The following SLC44A4 variants were observed in gnomAD, a reference collection of about 807,000 sequenced individuals.
SLC44A4 encodes the protein solute carrier family 44 member 4, also known as choline transporter-like protein 4.
A neutral mutation model predicts 97.0 loss-of-function variants in SLC44A4; 74 were observed. The observed-to-expected ratio is 0.76, with a 90% CI of 0.63 to 0.93. SLC44A4 has a LOEUF of 0.93. SLC44A4 is among the 40% of genes least tolerant of loss of function. SLC44A4 has a pLI of 0.00. For synonymous variants in SLC44A4, 325 were observed against 363.8 expected (o/e 0.89, Z 1.21); for missense variants, 799 against 902.9 (o/e 0.88, Z 1.48).
In SLC44A4 at chr6:31,877,058, G is replaced by T; in HGVS notation, c.65C>A (p.Ser22Tyr). The T allele has an allele frequency of 6.2e-7, 1 of 1,610,352 alleles. No individual in the cohort carries two copies. Among genetic ancestry groups the T allele is most frequent in the Non-Finnish European group, 8.5e-7 (1 of 1,179,176 alleles). Residue 22 changes from serine to tyrosine, a missense_variant, in exon 2 of 21, where the codon TCC becomes TAC. Physicochemically the swap from Ser to Tyr is moderately radical, Grantham distance 144. This residue lies in a region of SLC44A4 where 409 missense variants were observed against 434.1 expected (regional missense o/e 0.94). Coordinates refer to ENST00000229729, the MANE Select transcript of SLC44A4 (RefSeq NM_025257.3). The surrounding 1 kb of genome is among the most constrained non-coding windows in gnomAD (Gnocchi z 6.5). Reference protein sequence around the residue: ...AYGKPVKYDPSFRGPIKNRSC... With the variant: ...AYGKPVKYDPYFRGPIKNRSC... ...CCTGTTCTTGATGGGGCCTCGAAAG[G>T]AGGGGTCGTATTTGACTGGCTTCCC...
rs149893634 is a variant in SLC44A4 at position 31,871,485 on chromosome 6, C to T, written c.606G>A (p.Gln202=). 14 of 1,613,854 alleles carry T rather than the reference C, an allele frequency of 8.7e-6. No homozygotes were observed. Among genetic ancestry groups the T allele is most frequent in the Non-Finnish European group, 1.2e-5 (14 of 1,179,920 alleles). ...LPGITNDTTI[Q]QGISGLIDSL... is the part of the protein sequence containing the mutation. Reference sequence around the variant, plus strand: ...AGGGAGGTGCCTACCTGATCCCCTGCTGTATGGTGGTGTCATTGGTGATCC... The same window carrying T: ...AGGGAGGTGCCTACCTGATCCCCTGTTGTATGGTGGTGTCATTGGTGATCC... The change falls in exon 8 of 21, where the codon CAG becomes CAA. Residue 202 remains glutamine (Q), a synonymous_variant. Transcript: ENST00000229729.
Position 31,878,938 on chromosome 6 carries a change from C to T in SLC44A4, c.40+3G>A, listed in dbSNP as rs1019352556. The T allele has an allele frequency of 3.0e-5, 48 of 1,613,500 alleles. No individual in the cohort carries two copies. Among genetic ancestry groups the T allele is most frequent in the Admixed American group, 6.7e-5 (4 of 59,872 alleles). On this transcript the variant is annotated splice_donor_region_variant and intron_variant, in intron 1 of 20. Coordinates refer to ENST00000229729, the MANE Select transcript of SLC44A4 (RefSeq NM_025257.3). The surrounding 1 kb of genome is among the most constrained non-coding windows in gnomAD (Gnocchi z 4.0). Reference sequence around the variant, plus strand: ...AGGGTCCCGGGCCTCGCCCCAGTCTCACCGTAGGCCTCGTCATCCTCGTCC... The same window carrying T: ...AGGGTCCCGGGCCTCGCCCCAGTCTTACCGTAGGCCTCGTCATCCTCGTCC...
chr6:31,870,446 G>T (rs979929567), intron 11 of SLC44A4, among the ~76,000 whole-genome samples, 157 bp downstream of exon 11: 12 of 152,150 alleles, frequency 7.9e-5, no homozygotes, highest in African/African-American at 2.9e-4. Flanking sequence ...CCATTTTACA[G>T]ATGGGGAAGC....
chr6:31,863,650 C>T lies in SLC44A4; in HGVS notation c.2110G>A (p.Asp704Asn), dbSNP rs1762674335. The T allele has an allele frequency of 4.3e-6, 7 of 1,611,898 alleles. No individual in the cohort carries two copies. The highest frequency in any genetic ancestry group is 5.9e-6 in the Non-Finnish European group (7 of 1,179,676). The stretch of plus-strand genomic sequence containing the variant: ...TGTCACTTCTTCCTCTTCTTGTTGT[C>T]CGGGGGCGCCTCGTTCTTCTTGCCC... ...ILGKKNEAPP[D>N]NKKRKK Residue 704 changes from aspartate to asparagine, a missense_variant, in exon 21 of 21, where the codon GAC becomes AAC. Around this residue, in one of 3 missense-constraint regions of SLC44A4, gnomAD observed 379 missense variants for 438.3 expected, o/e 0.86. Coordinates refer to ENST00000229729, the MANE Select transcript of SLC44A4 (RefSeq NM_025257.3).
At position 31,865,235 on chromosome 6, in the gene SLC44A4, G is replaced by A; in HGVS notation, c.1760+80C>T. 1.9e-6 allele frequency: 3 copies of A among 1,567,190 alleles called. No individual in the cohort carries two copies. The South Asian group carries it at 3.3e-5, about 17-fold the overall frequency. On this transcript the variant is annotated intron_variant, in intron 17 of 20. Coordinates refer to ENST00000229729, the MANE Select transcript of SLC44A4 (RefSeq NM_025257.3). This position sits in a 1 kb window ranked among gnomAD's most constrained non-coding sequence, Gnocchi z 5.2. ...ACTAAACTAAGTCTAGGGCCCGACT[G>A]AGCACAGCACACCCACGAAGCCAGC...
At chr6:31,864,600 G>T in intron 20 of SLC44A4, 52 bp downstream of exon 20, 83 of 1,388,784 alleles carry the variant, frequency 6.0e-5, no homozygotes, top group Non-Finnish European at 8.0e-5. Flanking sequence ...AAAAATGCTT[G>T]AACGGCTCAG....
chr6:31,866,189 C>T (rs1393651194), intron 13 of SLC44A4, 63 bp from the exon 14 acceptor site: 5 of 1,570,736 alleles, frequency 3.2e-6, no homozygotes, highest in Admixed American at 1.8e-5. Flanking sequence ...GGAGCCTGGG[C>T]GTCCCATTCC....
rs1048355109 is a variant in SLC44A4 at position 31,878,029 on chromosome 6, C to T, written c.40+912G>A. 1.3e-5 allele frequency: 2 copies of T among 152,158 alleles called. No homozygotes were observed. Among genetic ancestry groups the T allele is most frequent in the African/African-American group, 4.8e-5 (2 of 41,380 alleles). The allele number at this position is 152,158 out of a possible 1,614,324, so 9.4% of individuals were successfully genotyped here. On this transcript the variant is annotated intron_variant, in intron 1 of 20. Transcript: ENST00000229729. This position sits in a 1 kb window ranked among gnomAD's most constrained non-coding sequence, Gnocchi z 4.0. ...CAAGCCTCTCCTCGAGAAGGTCCCT[C>T]ATAGGGGTTCCTTCCCCTTCAGACC...
rs753577272 is a variant in SLC44A4, at chr6:31,864,992, C to T, written c.1831+18G>A. ...CCAGCACCCCTACCCTCTGTCCCCA[C>T]AGCTTCTGGTCCCTTACCCACGCCT... On this transcript the variant is annotated intron_variant, in intron 18 of 20. Coordinates refer to ENST00000229729, the MANE Select transcript of SLC44A4 (RefSeq NM_025257.3). 9 of 1,613,954 alleles carry T rather than the reference C, an allele frequency of 5.6e-6. No homozygotes were observed. The African/African-American group carries it at 1.2e-4, about 22-fold the overall frequency.
chr6:31,871,097 T>C, intron 9 of SLC44A4, 50 bp from the exon 10 acceptor site: 2 of 1,527,432 alleles, frequency 1.3e-6, no homozygotes, highest in Non-Finnish European at 8.9e-7. Context: ...CCTCAAATCT[T>C]TCCCCTTACA....
chr6:31,877,146 C>A lies in SLC44A4; in HGVS notation c.41-64G>T. On this transcript the variant is annotated intron_variant, in intron 1 of 20. Coordinates refer to ENST00000229729, the MANE Select transcript of SLC44A4 (RefSeq NM_025257.3). This position sits in a 1 kb window ranked among gnomAD's most constrained non-coding sequence, Gnocchi z 6.5. ...CTCTGCATATCTTGTCCTGCTGAGTCCTCCTAGCCCCAGGATCCTACCCAG... is the reference window on the plus strand; with the variant it reads ...CTCTGCATATCTTGTCCTGCTGAGTACTCCTAGCCCCAGGATCCTACCCAG... 6.6e-7 allele frequency: 1 copy of A among 1,521,536 alleles called. No individual in the cohort carries two copies. The highest frequency in any genetic ancestry group is 9.0e-7 in the Non-Finnish European group (1 of 1,112,420). The allele number at this position is 1,521,536 out of a possible 1,614,324, so 94.3% of individuals were successfully genotyped here.
rs1420629198 is a variant in SLC44A4, at chr6:31,871,481, C to T, written c.610G>A (p.Gly204Arg). ...GITNDTTIQQ[G>R]ISGLIDSLNA... Reference sequence around the variant, plus strand: ...GGGGAGGGAGGTGCCTACCTGATCCCCTGCTGTATGGTGGTGTCATTGGTG... The same window carrying T: ...GGGGAGGGAGGTGCCTACCTGATCCTCTGCTGTATGGTGGTGTCATTGGTG... The change falls in exon 8 of 21, where the codon GGG becomes AGG. Residue 204 changes from glycine (G) to arginine (R), a missense_variant. Coordinates refer to ENST00000229729, the MANE Select transcript of SLC44A4 (RefSeq NM_025257.3). The T allele has an allele frequency of 1.9e-6, 3 of 1,613,834 alleles. No individual in the cohort carries two copies. In the African/African-American group the frequency reaches 4.0e-5, roughly 22 times the overall value.
Position 31,878,847 on chromosome 6 carries a change from T to C in SLC44A4, c.40+94A>G. The C allele has an allele frequency of 7.2e-7, 1 of 1,395,572 alleles. No individual in the cohort carries two copies. The highest frequency in any genetic ancestry group is 1.0e-6 in the Non-Finnish European group (1 of 982,402). 86.4% of individuals were successfully genotyped at this position (1,395,572 alleles called of 1,614,324 possible). A position where few individuals can be genotyped will look rare whatever the true frequency, so the allele number is the denominator to read the frequency against. On this transcript the variant is annotated intron_variant, in intron 1 of 20. Transcript: ENST00000229729. The surrounding 1 kb of genome is among the most constrained non-coding windows in gnomAD (Gnocchi z 4.0). ...CCCCTCAGGGACACAGTACTCTCCT[T>C]AGTTCCTCTCCCTGGAGCCAGCCCC...
rs747514753 is a variant in SLC44A4, at chr6:31,864,916, G to T, written c.1832-6C>A. 13 of 1,613,810 alleles carry T rather than the reference G, an allele frequency of 8.1e-6. No individual in the cohort carries two copies. The South Asian group carries it at 9.9e-5, about 12-fold the overall frequency. The stretch of plus-strand genomic sequence containing the variant: ...AAAAAAGAAGGACAGGACCCCTGTG[G>T]AATAATTCTGGGGGTTAGTGCTGCA... On this transcript the variant is annotated splice_polypyrimidine_tract_variant and splice_region_variant and intron_variant, in intron 18 of 20. Transcript: ENST00000229729.
At chr6:31,875,197 T>A (rs1193769285) in intron 4 of SLC44A4, among the ~76,000 whole-genome samples, 169 bp from the exon 5 acceptor site, 1 of 152,142 alleles carries the variant, frequency 6.6e-6, no homozygotes, top group Non-Finnish European at 1.5e-5. Flanking sequence ...GGGAGATGCC[T>A]AGAAGATCTC....
chr6:31,863,479 G>C lies in SLC44A4; in HGVS notation c.*148C>G. The C allele has an allele frequency of 8.7e-7, 1 of 1,149,238 alleles. No homozygotes were observed. The highest frequency in any genetic ancestry group is 1.2e-6 in the Non-Finnish European group (1 of 849,088). The allele number at this position is 1,149,238 out of a possible 1,614,324, so 71.2% of individuals were successfully genotyped here. ...TGACTCAGGTGATCCGCCCGCCTCA[G>C]CCTCTCAAAGTGTTGGATTACAGGC... On this transcript the variant is annotated 3_prime_UTR_variant, in exon 21 of 21. Coordinates refer to ENST00000229729, the MANE Select transcript of SLC44A4 (RefSeq NM_025257.3).
intron 4 of SLC44A4, 26 bp from the exon 5 acceptor site, chr6:31,875,054 A>T: frequency 6.3e-7 from 1 of 1,577,940 alleles, no homozygotes; most frequent in South Asian, 1.1e-5. Context: ...GACCATGTGC[A>T]TCAGGGCCTG....
At position 31,871,396 on chromosome 6, in the gene SLC44A4, C is replaced by T. The variant is rs760405317; in HGVS notation, c.619G>A (p.Gly207Ser). The change falls in exon 9 of 21, where the codon GGT (glycine) becomes AGT (serine). Residue 207 changes from glycine to serine, a missense_variant and splice_region_variant. Transcript: ENST00000229729. ...CGGGCATTGAGGCTGTCAATAAGAC[C>T]GCTGTTGGGGAGACAGAGTCAGATG... ...NDTTIQQGIS[G>S]LIDSLNARDI... is the part of the protein sequence containing the mutation. The T allele has an allele frequency of 1.4e-5, 23 of 1,613,970 alleles. No individual in the cohort carries two copies. Among genetic ancestry groups the T allele is most frequent in the Admixed American group, 6.7e-5 (4 of 60,000 alleles).
In SLC44A4 at chr6:31,865,192, A is replaced by G; in HGVS notation, c.1761-112T>C. ...CAAAATGAAAATTGTTCACGTTTCA[A>G]GATGGCAAGAGCAGAGCACTAAACT... On this transcript the variant is annotated intron_variant, in intron 17 of 20. Transcript: ENST00000229729. The surrounding 1 kb of genome is among the most constrained non-coding windows in gnomAD (Gnocchi z 5.2). 6.5e-7 allele frequency: 1 copy of G among 1,528,772 alleles called. No individual in the cohort carries two copies. Among genetic ancestry groups the G allele is most frequent in the Non-Finnish European group, 9.1e-7 (1 of 1,102,720 alleles). The allele number at this position is 1,528,772 out of a possible 1,614,324, so 94.7% of individuals were successfully genotyped here. A position where few individuals can be genotyped will look rare whatever the true frequency, so the allele number is the denominator to read the frequency against.
Sources: gnomAD v4.1 joint callset for allele counts (sites outside exome capture counted in the v4.1 genomes callset) on GRCh38, gnomAD v4.1.1 for gene constraint, gnomAD v4.1.1 regional missense constraint, Gnocchi (gnomAD v3.1) non-coding constraint, MANE v1.5 for transcripts, NCBI Gene and HGNC (gene_info 2026-07-23, HGNC 2026-07-21) for gene names.